The following HSD17B11 variants were observed in gnomAD, a reference collection of about 807,000 sequenced individuals.
HSD17B11 encodes hydroxysteroid 17-beta dehydrogenase 11, also known as estradiol 17-beta-dehydrogenase 11.
A neutral mutation model predicts 27.8 loss-of-function variants in HSD17B11; 22 were observed. The ratio of observed to expected loss-of-function variants is 0.79; its 90% confidence interval spans 0.56 to 1.13. The LOEUF is 1.13. Among genes scored for constraint, HSD17B11 ranks in the 50% most tolerant of loss-of-function variants. The pLI is 0.00. For synonymous variants in HSD17B11, 117 were observed against 132.8 expected (o/e 0.88, Z 0.82); for missense variants, 314 against 351.1 (o/e 0.89, Z 0.84).
intron 2 of HSD17B11, among the ~76,000 whole-genome samples, chr4:87,376,243 C>T (rs983343785): frequency 5.9e-5 from 9 of 152,136 alleles, no homozygotes; most frequent in Non-Finnish European, 1.2e-4. Context: ...AGGTGGCTCA[C>T]GCCTCTAATC....
chr4:87,358,726 G>A (rs1735439813), intron 4 of HSD17B11, among the ~76,000 whole-genome samples: 1 of 152,056 alleles, frequency 6.6e-6, no homozygotes, highest in South Asian at 2.1e-4. Flanking sequence ...ACACAAAGTA[G>A]CTATACATTC....
rs1720002640 is a variant in HSD17B11, at chr4:87,378,835, TATATATATAA to T, written c.318+3410_318+3419del. Among the ~76,000 whole-genome samples the T allele has an allele frequency of 1.2e-4, 5 of 41,832 alleles. No individual in the cohort carries two copies. The East Asian group carries it at 1.6e-3, about 14-fold the overall frequency. 27.4% of individuals were successfully genotyped at this position (41,832 alleles called of 152,430 possible). ...TAAATATAAAATATATATATAAATA[TATATATATAA>T]ATATATATATAAATATATATAAATA... On this transcript the variant is annotated intron_variant, in intron 2 of 6. Transcript: ENST00000358290.
rs1478268675 is a variant in HSD17B11 at position 87,354,457 on chromosome 4, CATAG to C, written c.695+2818_695+2821del. ...GAGCCCTTGAGCCCAGCCTGTGCAA[CATAG>C]GGAGACCCTGTCTCTACAAAAAATT... is the stretch of plus-strand genomic sequence containing the variant. On this transcript the variant is annotated intron_variant, in intron 5 of 6. Coordinates refer to ENST00000358290, the MANE Select transcript of HSD17B11 (RefSeq NM_016245.5). Among the ~76,000 whole-genome samples, 8 of 152,032 alleles carry C rather than the reference CATAG, an allele frequency of 5.3e-5. No individual in the cohort carries two copies. In the East Asian group the frequency reaches 1.5e-3, roughly 29 times the overall value.
chr4:87,354,535 T>C (rs1735344525), intron 5 of HSD17B11, among the ~76,000 whole-genome samples: 1 of 151,230 alleles, frequency 6.6e-6, no homozygotes, highest in African/African-American at 2.4e-5. Flanking sequence ...TCCCAGGGAC[T>C]GGGGAGGCTG....
rs1560769643 is a variant in HSD17B11 at position 87,378,945 on chromosome 4, TA to T, written c.318+3309del. Among the ~76,000 whole-genome samples the T allele has an allele frequency of 1.9e-3, 50 of 26,854 alleles. 5 individuals carry two copies. The highest frequency in any genetic ancestry group is 0.012 in the African/African-American group (44 of 3,708). The allele number at this position is 26,854 out of a possible 152,430, so 17.6% of individuals were successfully genotyped here. ...ATATATATAAATATATATATATATA[TA>T]TTTATATATATATATTTTTTTTTTT... On this transcript the variant is annotated intron_variant, in intron 2 of 6. Transcript: ENST00000358290.
At chr4:87,365,821 T>A (rs1464699712) in intron 4 of HSD17B11, 4 of 148,604 alleles carry the variant, frequency 2.7e-5, no homozygotes, top group African/African-American at 1.0e-4. Context: ...GTTAAAGGAT[T>A]GTGTTAAGTG....
intron 6 of HSD17B11, among the ~76,000 whole-genome samples, chr4:87,339,484 A>G (rs1422619176): frequency 6.6e-6 from 1 of 152,210 alleles, no homozygotes. Flanking sequence ...TTTAGAAGTG[A>G]GATCAAGGGA....
Position 87,391,181 on chromosome 4 carries a change from G to T in HSD17B11, c.-111C>A, listed in dbSNP as rs918453175. 29 of 753,924 alleles carry T rather than the reference G, an allele frequency of 3.8e-5. No individual in the cohort carries two copies. The African/African-American group carries it at 5.0e-4, about 13-fold the overall frequency. 46.7% of individuals were successfully genotyped at this position (753,924 alleles called of 1,614,324 possible). A position where few individuals can be genotyped will look rare whatever the true frequency, so the allele number is the denominator to read the frequency against. On this transcript the variant is annotated 5_prime_UTR_variant, in exon 1 of 7. Coordinates refer to ENST00000358290, the MANE Select transcript of HSD17B11 (RefSeq NM_016245.5). ...CAGAAAGAGTAGGGGCGAGAGCAAG[G>T]AGGAACTCCCGTATCAAAGAAAAAC...
chr4:87,369,237 A>G (rs1010729507), intron 4 of HSD17B11, among the ~76,000 whole-genome samples: 3 of 152,214 alleles, frequency 2.0e-5, no homozygotes, highest in African/African-American at 7.2e-5. Flanking sequence ...AAGGAATAAC[A>G]TATTTTTCAA....
chr4:87,371,128 G>A (rs144558946), intron 4 of HSD17B11, among the ~76,000 whole-genome samples: 1 of 152,248 alleles, frequency 6.6e-6, no homozygotes, highest in African/African-American at 2.4e-5. Context: ...CACACAGCTG[G>A]TGAGTGATTC....
At chr4:87,338,529 C>T (rs1735096860) in intron 6 of HSD17B11, among the ~76,000 whole-genome samples, 1 of 151,916 alleles carries the variant, frequency 6.6e-6, no homozygotes, top group South Asian at 2.1e-4. Context: ...GTACTGAGTA[C>T]TTTTTATTTT....
chr4:87,379,779 A>T (rs1720081468), intron 2 of HSD17B11, among the ~76,000 whole-genome samples: 1 of 94,808 alleles, frequency 1.1e-5, no homozygotes, highest in Admixed American at 1.4e-4. Flanking sequence ...ATAATATAGT[A>T]ATAGTATATT....
chr4:87,363,745 CCCAGACCTGTAGCT>C (rs1192337622), intron 4 of HSD17B11, among the ~76,000 whole-genome samples: 17 of 152,318 alleles, frequency 1.1e-4, no homozygotes, highest in African/African-American at 4.1e-4. Flanking sequence ...ATAGACACTG[CCCAGACCTGTAGCT>C]CAGTAGCTAA....
chr4:87,370,845 C>A (rs1225881606), intron 4 of HSD17B11, among the ~76,000 whole-genome samples: 1 of 109,490 alleles, frequency 9.1e-6, no homozygotes, highest in Admixed American at 9.2e-5. Context: ...CTCCGCCTCC[C>A]GGGTTCACGC....
chr4:87,389,069 A>C (rs1720388417), intron 1 of HSD17B11, among the ~76,000 whole-genome samples: 1 of 152,184 alleles, frequency 6.6e-6, no homozygotes, highest in African/African-American at 2.4e-5. Context: ...AAAGCTGTGG[A>C]AACGTTGAGT....
intron 3 of HSD17B11, among the ~76,000 whole-genome samples, chr4:87,373,497 C>T (rs890064898): frequency 3.3e-5 from 5 of 151,836 alleles, no homozygotes; most frequent in Non-Finnish European, 5.9e-5. Flanking sequence ...ATCACTCGAA[C>T]CCAGGAGCTC....
chr4:87,375,164 G>A (rs1162434363), intron 2 of HSD17B11, among the ~76,000 whole-genome samples: 1 of 152,172 alleles, frequency 6.6e-6, no homozygotes, highest in Non-Finnish European at 1.5e-5. Context: ...CTCCCAAAGT[G>A]CTGGGATTAC....
At chr4:87,378,906 A>ATATATATATT (rs1720030226) in intron 2 of HSD17B11, among the ~76,000 whole-genome samples, 1 of 8,796 alleles carries the variant, frequency 1.1e-4, no homozygotes. Flanking sequence ...ATATATATAA[A>ATATATATATT]TATATATATA....
chr4:87,353,966 CAT>C (rs1491345187), intron 5 of HSD17B11, among the ~76,000 whole-genome samples: 1 of 152,216 alleles, frequency 6.6e-6, no homozygotes, highest in Non-Finnish European at 1.5e-5. Flanking sequence ...ACCTGAAAAA[CAT>C]ATCTGTCCCT....
Sources: gnomAD v4.1 joint callset for allele counts (sites outside exome capture counted in the v4.1 genomes callset) on GRCh38, gnomAD v4.1.1 for gene constraint, MANE v1.5 for transcripts, NCBI Gene and HGNC (gene_info 2026-07-23, HGNC 2026-07-21) for gene names.